Variants in DHRS12 observed in about 807,000 individuals in gnomAD.
DHRS12 encodes the protein dehydrogenase/reductase 12, also known as dehydrogenase/reductase SDR family member 12.
DHRS12 carries 29 observed loss-of-function variants against 32.1 expected under a neutral mutation model. That is an observed-to-expected ratio of 0.90 (90% CI 0.67 to 1.23). The LOEUF (loss-of-function observed/expected upper bound fraction) is 1.23, where lower values mean the gene tolerates loss of function less well. Ranked by LOEUF, DHRS12 falls within the 50% of genes most tolerant of loss-of-function variation. The pLI, the probability that DHRS12 is intolerant of heterozygous loss-of-function variation, is 0.00. For missense variants in DHRS12, 330 were observed against 337.2 expected, an observed-to-expected ratio of 0.98 and a Z score of 0.17; for synonymous variants, 150 against 135.9, an observed-to-expected ratio of 1.10 and a Z score of -0.72.
the DHRS12 span, chr13:51,756,203 G>A: frequency 6.0e-6 from 8 of 1,344,060 alleles, no homozygotes; most frequent in Non-Finnish European, 8.1e-6. Context: ...CTTTAGTTCT[G>A]GGGCTCTCTT....
intron 7 of DHRS12, 62 bp downstream of exon 7, chr13:51,771,759 C>A (rs139858617): frequency 1.9e-6 from 3 of 1,572,478 alleles, no homozygotes; most frequent in Non-Finnish European, 2.6e-6. Flanking sequence ...GTCAATCCTG[C>A]GGCTGCTCAG....
chr13:51,770,796 T>C, intron 7 of DHRS12: 3 of 1,025,834 alleles, frequency 2.9e-6, no homozygotes, highest in Non-Finnish European at 2.3e-6. Context: ...ACTTGGTATC[T>C]TCATTTAATG....
At chr13:51,789,927 A>C (rs1455776215) in intron 4 of DHRS12, 84 bp downstream of exon 4, 1 of 1,457,652 alleles carries the variant, frequency 6.9e-7, no homozygotes, top group South Asian at 1.5e-5. Context: ...GAACCAAAAA[A>C]GTTGGTCAAT....
the DHRS12 span, among the ~76,000 whole-genome samples, chr13:51,759,451 G>A: frequency 3.3e-4 from 50 of 152,310 alleles, no homozygotes; most frequent in South Asian, 2.1e-4. Context: ...GTGACTCACA[G>A]GAGGATCTGC....
chr13:51,801,064 C>T (rs190209839), intron 1 of DHRS12, among the ~76,000 whole-genome samples: 186 of 152,298 alleles, frequency 1.2e-3, no homozygotes, highest in African/African-American at 4.3e-3. Context: ...TTTCTGAGCT[C>T]TTATCTCCTC....
Position 51,804,062 on chromosome 13 carries a change from C to T in DHRS12, c.-17G>A, listed in dbSNP as rs1201694514. ...CCGCCGCGCCGCCTTACTTGGTGTACTCGCGCAGCCCCTTGGCGAACCACA... is the reference window on the plus strand; with the variant it reads ...CCGCCGCGCCGCCTTACTTGGTGTATTCGCGCAGCCCCTTGGCGAACCACA... On this transcript the variant is annotated 5_prime_UTR_variant, in exon 1 of 9. Transcript: ENST00000444610. The T allele has an allele frequency of 3.4e-6, 5 of 1,485,038 alleles. No homozygotes were observed. The highest frequency in any genetic ancestry group is 2.3e-5 in the Admixed American group (1 of 43,906). 92.0% of individuals were successfully genotyped at this position (1,485,038 alleles called of 1,614,324 possible).
At chr13:51,766,823 T>G (rs1042153111), downstream of DHRS12, 1 of 152,256 alleles carries the variant, frequency 6.6e-6, no homozygotes, top group Admixed American at 6.5e-5. Flanking sequence ...CACGGTTACA[T>G]GTGGCCACGC....
At chr13:51,761,518 C>CCCA in the DHRS12 span, 1 of 152,178 alleles carries the variant, frequency 6.6e-6, no homozygotes, top group African/African-American at 2.4e-5. Context: ...CGACCCAAGC[C>CCCA]CCACCCCACA....
chr13:51,772,343 T>A (rs1376128522), intron 6 of DHRS12, among the ~76,000 whole-genome samples: 1 of 152,090 alleles, frequency 6.6e-6, no homozygotes, highest in Non-Finnish European at 1.5e-5. Context: ...TCAGCTAATA[T>A]GGGAATTAAG....
intron 5 of DHRS12, 63 bp from the exon 6 acceptor site, chr13:51,774,097 CT>C (rs777626374): frequency 8.1e-6 from 12 of 1,483,946 alleles, no homozygotes; most frequent in Non-Finnish European, 1.1e-5. Context: ...TCTTCACCCC[CT>C]GTAGAGCAGT....
intron 4 of DHRS12, among the ~76,000 whole-genome samples, chr13:51,784,760 G>A (rs867555616): frequency 6.6e-6 from 1 of 152,202 alleles, no homozygotes; most frequent in Non-Finnish European, 1.5e-5. Context: ...ACTGTTCTCT[G>A]TTTTCCTCTG....
the DHRS12 span, chr13:51,756,425 G>A: frequency 6.2e-7 from 1 of 1,614,114 alleles, no homozygotes; most frequent in South Asian, 1.1e-5. Context: ...TGAAGTGAGG[G>A]TCTGTGACAG....
chr13:51,767,797 G>GGGGGGGGT (rs1555269036), downstream of DHRS12: 2 of 69,094 alleles, frequency 2.9e-5, 1 homozygote, highest in African/African-American at 1.5e-4. Context: ...GGGGGGGGGG[G>GGGGGGGGT]TGCACAGCGC....
chr13:51,781,947 G>A (rs1343038034), intron 4 of DHRS12, among the ~76,000 whole-genome samples: 1 of 152,162 alleles, frequency 6.6e-6, no homozygotes, highest in East Asian at 1.9e-4. Context: ...CTACATCACA[G>A]TGACTGCAGT....
chr13:51,797,044 G>T (rs1325070683), intron 2 of DHRS12, among the ~76,000 whole-genome samples: 4 of 152,124 alleles, frequency 2.6e-5, no homozygotes, highest in Admixed American at 6.5e-5. Context: ...TCCAATTGTG[G>T]GGTCTCCTAG....
the DHRS12 span, among the ~76,000 whole-genome samples, chr13:51,754,907 A>T: frequency 6.6e-6 from 1 of 152,156 alleles, no homozygotes; most frequent in African/African-American, 2.4e-5. Flanking sequence ...AATGGTAATA[A>T]GCTGGTATTT....
chr13:51,768,544 A>G (rs1034405029), intron 8 of DHRS12: 2 of 1,368,682 alleles, frequency 1.5e-6, no homozygotes, highest in South Asian at 1.7e-5. Flanking sequence ...GGTGATCAGC[A>G]GGAAGGGGTG....
chr13:51,792,675 C>G (rs779494910), intron 2 of DHRS12, among the ~76,000 whole-genome samples: 14 of 152,094 alleles, frequency 9.2e-5, no homozygotes, highest in Non-Finnish European at 2.9e-5. Flanking sequence ...TCTGGGATTA[C>G]GGGCATGAGC....
the DHRS12 span, chr13:51,755,325 C>T: frequency 6.2e-6 from 10 of 1,605,480 alleles, no homozygotes; most frequent in Non-Finnish European, 8.5e-6. Context: ...GACTGCTGGC[C>T]ACAGTGACCT....
Sources: allele counts gnomAD v4.1 joint callset (sites outside exome capture counted in the v4.1 genomes callset), GRCh38; gene constraint gnomAD v4.1.1; transcripts MANE v1.5; gene names NCBI Gene and HGNC (gene_info 2026-07-23, HGNC 2026-07-21).